Variants in SERPINB7 observed in about 807,000 individuals in gnomAD.
The protein encoded by SERPINB7 is serpin family B member 7.
Under a neutral mutation model 37.4 loss-of-function variants are expected in SERPINB7, and 31 were observed. The ratio of observed to expected loss-of-function variants is 0.83; its 90% confidence interval spans 0.62 to 1.12. The LOEUF (loss-of-function observed/expected upper bound fraction) is 1.12. Ranked by LOEUF, SERPINB7 falls within the 50% of genes most tolerant of loss-of-function variation. The probability of loss-of-function intolerance (pLI) is 0.00; values close to 1 mark genes in which losing one functional copy is unlikely to be tolerated. For synonymous variants in SERPINB7, 163 were observed against 166.1 expected (o/e 0.98, Z 0.14); for missense variants, 521 against 455.3 (o/e 1.14, Z -1.31).
intron 2 of SERPINB7, among the ~76,000 whole-genome samples, chr18:63,785,041 A>G (rs2049350434): frequency 1.3e-5 from 2 of 152,140 alleles, no homozygotes; most frequent in South Asian, 2.1e-4. Flanking sequence ...TGCCTCATCA[A>G]TTACTCTCAT....
At chr18:63,763,180 C>T (rs2049163578) in intron 1 of SERPINB7, among the ~76,000 whole-genome samples, 1 of 152,100 alleles carries the variant, frequency 6.6e-6, no homozygotes, top group South Asian at 2.1e-4. Flanking sequence ...AATCAAAGTG[C>T]TGACATAATT....
intron 2 of SERPINB7, among the ~76,000 whole-genome samples, chr18:63,786,027 CGT>C (rs1491377101): frequency 8.6e-6 from 1 of 115,800 alleles, no homozygotes; most frequent in Non-Finnish European, 1.8e-5. Flanking sequence ...ATATAATATA[CGT>C]ATATATACAC....
intron 7 of SERPINB7, among the ~76,000 whole-genome samples, chr18:63,801,668 G>A (rs552924486): frequency 1.2e-4 from 18 of 152,234 alleles, no homozygotes; most frequent in Non-Finnish European, 1.9e-4. Flanking sequence ...AGTCACAAGC[G>A]TGTGTAAAAC....
intron 1 of SERPINB7, among the ~76,000 whole-genome samples, chr18:63,766,882 A>G (rs913862092): frequency 6.6e-6 from 1 of 152,186 alleles, no homozygotes; most frequent in Non-Finnish European, 1.5e-5. Context: ...CAAGGCAACT[A>G]GTTACATAAA....
At chr18:63,795,047 T>G (rs1032783771) in intron 4 of SERPINB7, among the ~76,000 whole-genome samples, 1 of 152,240 alleles carries the variant, frequency 6.6e-6, no homozygotes, top group Non-Finnish European at 1.5e-5. Flanking sequence ...TAGATCATTA[T>G]GACTTTTTTT....
At chr18:63,757,711 G>A (rs2049129737) in intron 1 of SERPINB7, among the ~76,000 whole-genome samples, 1 of 152,244 alleles carries the variant, frequency 6.6e-6, no homozygotes, top group Non-Finnish European at 1.5e-5. Flanking sequence ...GCTTCTTGCA[G>A]AAAAAGTTGA....
chr18:63,799,544 C>T (rs749500036), intron 6 of SERPINB7, among the ~76,000 whole-genome samples: 1 of 152,182 alleles, frequency 6.6e-6, no homozygotes, highest in African/African-American at 2.4e-5. Flanking sequence ...ATGTAATATG[C>T]TGTTGAATCT....
At chr18:63,778,793 G>A (rs1359259631) in intron 1 of SERPINB7, among the ~76,000 whole-genome samples, 2 of 152,084 alleles carry the variant, frequency 1.3e-5, no homozygotes, top group Non-Finnish European at 1.5e-5. Flanking sequence ...TAGACCATAA[G>A]GAATCAAATA....
chr18:63,782,935 GA>G (rs555106245), intron 2 of SERPINB7, among the ~76,000 whole-genome samples: 1 of 151,628 alleles, frequency 6.6e-6, no homozygotes, highest in Non-Finnish European at 1.5e-5. Flanking sequence ...TCAGGAGATC[GA>G]GACCATCCTG....
intron 5 of SERPINB7, 113 bp from the exon 6 acceptor site, chr18:63,798,491 A>T: frequency 1.4e-6 from 1 of 734,756 alleles, no homozygotes; most frequent in Non-Finnish European, 2.2e-6. Flanking sequence ...TAATATTCTT[A>T]TTGGTGTTAT....
intron 2 of SERPINB7, among the ~76,000 whole-genome samples, chr18:63,786,210 G>GTATATATATATA (rs143561199): frequency 1.6e-4 from 10 of 64,330 alleles, no homozygotes; most frequent in African/African-American, 5.4e-4. Flanking sequence ...GCACATACGT[G>GTATATATATATA]TATATATATA....
At position 63,804,353 on chromosome 18, in the gene SERPINB7, G is replaced by T. The variant is rs1482244313; in HGVS notation, c.861G>T (p.Met287Ile). 2 of 1,613,750 alleles carry T rather than the reference G, an allele frequency of 1.2e-6. No homozygotes were observed. Among genetic ancestry groups the T allele is most frequent in the Non-Finnish European group, 1.7e-6 (2 of 1,179,840 alleles). The change falls in exon 8 of 8, where the codon ATG becomes ATT. Residue 287 changes from methionine (M) to isoleucine (I), a missense_variant. By Grantham distance (10) the Met-to-Ile change is conservative. Coordinates refer to ENST00000398019, the MANE Select transcript of SERPINB7 (RefSeq NM_003784.4). The stretch of plus-strand genomic sequence containing the variant: ...TCAAGATAGAGAAGAATTATGAAAT[G>T]AAACAATATTTGAGAGCCCTAGGGC... ...PQFKIEKNYE[M>I]KQYLRALGLK...
intron 1 of SERPINB7, among the ~76,000 whole-genome samples, chr18:63,755,720 C>T (rs1000762821): frequency 2.0e-5 from 3 of 151,856 alleles, no homozygotes; most frequent in Non-Finnish European, 4.4e-5. Context: ...TAGCAAGACC[C>T]TGTCTCTACA....
At chr18:63,779,280 G>A (rs2049279520) in intron 1 of SERPINB7, among the ~76,000 whole-genome samples, 1 of 152,062 alleles carries the variant, frequency 6.6e-6, no homozygotes, top group South Asian at 2.1e-4. Flanking sequence ...TTGGTCTCAT[G>A]CTAATTTTTA....
At chr18:63,784,235 T>C (rs1614475) in intron 2 of SERPINB7, among the ~76,000 whole-genome samples, 20,867 of 152,148 alleles carry the variant, frequency 0.14, 2,405 homozygotes, top group East Asian at 0.44. Flanking sequence ...TACAACTGGT[T>C]TTCTCAACTT....
At chr18:63,778,955 AG>A (rs2049276501) in intron 1 of SERPINB7, among the ~76,000 whole-genome samples, 1 of 152,200 alleles carries the variant, frequency 6.6e-6, no homozygotes, top group Non-Finnish European at 1.5e-5. Context: ...AAGAAACATA[AG>A]AATATAGTAT....
rs189493648 is a variant in SERPINB7, at chr18:63,754,826, G to T, written c.-19+1706G>T. On this transcript the variant is annotated intron_variant, in intron 1 of 7. Transcript: ENST00000336429. The stretch of plus-strand genomic sequence containing the variant: ...TAGATCACGGACTTTGAAGGGACAG[G>T]CAGGGAAAATGTCCTAACAATTTTC... Among the ~76,000 whole-genome samples the T allele has an allele frequency of 3.3e-5, 5 of 150,688 alleles. No individual in the cohort carries two copies. The East Asian group carries it at 7.8e-4, about 23-fold the overall frequency.
intron 2 of SERPINB7, among the ~76,000 whole-genome samples, 173 bp from the exon 3 acceptor site, chr18:63,792,220 C>G (rs1280009305): frequency 6.6e-6 from 1 of 152,172 alleles, no homozygotes. Context: ...CCAAGTATGC[C>G]TGTTGATGTG....
chr18:63,782,316 T>C (rs1239306184), intron 1 of SERPINB7, 39 bp from the exon 2 acceptor site: 5 of 1,208,934 alleles, frequency 4.1e-6, no homozygotes, highest in Non-Finnish European at 5.5e-6. Flanking sequence ...TCCTAGAAAA[T>C]GTACCGGGAA....
Sources: gnomAD v4.1 joint callset for allele counts (sites outside exome capture counted in the v4.1 genomes callset) on GRCh38, gnomAD v4.1.1 for gene constraint, MANE v1.5 for transcripts, NCBI Gene and HGNC (gene_info 2026-07-23, HGNC 2026-07-21) for gene names.